Variants in SLC44A1 observed in about 807,000 individuals in gnomAD.
The protein encoded by SLC44A1 is choline transporter-like protein 1.
In SLC44A1, 26 loss-of-function variants were observed where a neutral mutation model predicts 79.3. That is an observed-to-expected ratio of 0.33 (90% confidence interval 0.24 to 0.46). SLC44A1 has a LOEUF of 0.46. Ranked by LOEUF, SLC44A1 falls within the 20% of genes least tolerant of loss-of-function variation. SLC44A1 has a pLI of 1.00. For missense variants in SLC44A1, 688 were observed against 798.1 expected, an observed-to-expected ratio of 0.86 and a Z score of 1.66; for synonymous variants, 263 against 286.2, an observed-to-expected ratio of 0.92 and a Z score of 0.82.
chr9:105,325,024 CAG>C (rs1826527319), intron 3 of SLC44A1, among the ~76,000 whole-genome samples: 1 of 152,190 alleles, frequency 6.6e-6, no homozygotes, highest in Middle Eastern at 3.2e-3. Context: ...GAACTAAAAA[CAG>C]ATGTCCCCAC....
rs981832340 is a variant in SLC44A1 at position 105,418,070 on chromosome 9, C to G, written c.1951-20211C>G. 2.0e-5 allele frequency among the ~76,000 whole-genome samples: 3 copies of G among 151,756 alleles called. No homozygotes were observed. In the South Asian group the frequency reaches 6.2e-4, roughly 32 times the overall value. Reference sequence around the variant, plus strand: ...GTGGCTCACGCCTGTAATCCCAGTACTCTGGGAGGCCGAGGCGGGCGGATC... The same window carrying G: ...GTGGCTCACGCCTGTAATCCCAGTAGTCTGGGAGGCCGAGGCGGGCGGATC... On this transcript the variant is annotated intron_variant, in intron 15 of 15. Transcript: ENST00000374724.
chr9:105,322,580 G>A (rs147222273), intron 3 of SLC44A1, among the ~76,000 whole-genome samples: 59 of 152,280 alleles, frequency 3.9e-4, no homozygotes, highest in Non-Finnish European at 6.9e-4. Context: ...ATTCTAGGCC[G>A]AAACCTGTTC....
intron 4 of SLC44A1, among the ~76,000 whole-genome samples, chr9:105,337,996 T>A (rs1296316050): frequency 6.6e-6 from 1 of 152,230 alleles, no homozygotes; most frequent in Non-Finnish European, 1.5e-5. Context: ...TGAATAAACA[T>A]TATTTCAGCA....
intron 12 of SLC44A1, among the ~76,000 whole-genome samples, chr9:105,371,396 A>C (rs1178704473): frequency 1.3e-5 from 2 of 152,236 alleles, no homozygotes. Flanking sequence ...TATGTAAACA[A>C]TGAGCACAGT....
At chr9:105,388,923 C>G in intron 15 of SLC44A1, 110 bp from the exon 16 acceptor site, 1 of 787,170 alleles carries the variant, frequency 1.3e-6, no homozygotes, top group South Asian at 1.5e-5. Context: ...ATTCTCAGTC[C>G]ATTTTGCTGT....
intron 3 of SLC44A1, among the ~76,000 whole-genome samples, chr9:105,333,955 A>C (rs1826831542): frequency 6.6e-6 from 1 of 152,232 alleles, no homozygotes; most frequent in Admixed American, 6.5e-5. Flanking sequence ...TTCCCTGTCC[A>C]GAATCTGTCT....
chr9:105,404,031 G>A (rs553611784), intron 15 of SLC44A1, among the ~76,000 whole-genome samples: 1 of 151,892 alleles, frequency 6.6e-6, no homozygotes, highest in African/African-American at 2.4e-5. Flanking sequence ...CATGGGGTGA[G>A]TTGCTTCTGG....
At chr9:105,297,692 T>C (rs1039556545) in intron 1 of SLC44A1, among the ~76,000 whole-genome samples, 6 of 152,194 alleles carry the variant, frequency 3.9e-5, no homozygotes, top group African/African-American at 1.4e-4. Flanking sequence ...TGTGCTTACA[T>C]ATTAAGAAAA....
chr9:105,359,644 A>G (rs182011237), intron 7 of SLC44A1, among the ~76,000 whole-genome samples: 2 of 152,240 alleles, frequency 1.3e-5, no homozygotes, highest in East Asian at 3.9e-4. Flanking sequence ...TTTCAATTTC[A>G]TTCTATTTTT....
intron 15 of SLC44A1, among the ~76,000 whole-genome samples, chr9:105,415,075 G>A (rs1380797635): frequency 6.6e-6 from 1 of 152,168 alleles, no homozygotes; most frequent in African/African-American, 2.4e-5. Flanking sequence ...ATAGGAGGAT[G>A]AGCTGCACAA....
At position 105,395,811 on chromosome 9, in the gene SLC44A1, G is replaced by A. The variant is rs186023888; in HGVS notation, c.*6755G>A. 7.6e-5 allele frequency: 75 copies of A among 984,606 alleles called. No individual in the cohort carries two copies. Among genetic ancestry groups the A allele is most frequent in the South Asian group, 6.1e-4 (13 of 21,246 alleles). 61.0% of individuals were successfully genotyped at this position (984,606 alleles called of 1,614,324 possible). ...AAGAAGACTTGGGAATAATTGGGCA[G>A]ATAGAATGGGTTCCATGGATCATTC... On this transcript the variant is annotated 3_prime_UTR_variant, in exon 16 of 16. Coordinates refer to ENST00000374720, the MANE Select transcript of SLC44A1 (RefSeq NM_080546.5).
intron 3 of SLC44A1, among the ~76,000 whole-genome samples, chr9:105,320,660 C>T (rs534207809): frequency 3.3e-5 from 5 of 152,088 alleles, no homozygotes; most frequent in Non-Finnish European, 7.4e-5. Context: ...GATTATAGCA[C>T]GCTACAGCCT....
chr9:105,326,825 C>T (rs781552965), intron 3 of SLC44A1, among the ~76,000 whole-genome samples: 14 of 152,150 alleles, frequency 9.2e-5, no homozygotes, highest in African/African-American at 1.9e-4. Context: ...AAATCACTGT[C>T]GCCTGTCCAG....
At chr9:105,261,658 A>G (rs1203506884) in intron 1 of SLC44A1, among the ~76,000 whole-genome samples, 1 of 152,156 alleles carries the variant, frequency 6.6e-6, no homozygotes, top group Admixed American at 6.5e-5. Flanking sequence ...TACTGGGCTC[A>G]ACAAAGAATG....
At chr9:105,282,951 G>A (rs1346354000) in intron 1 of SLC44A1, among the ~76,000 whole-genome samples, 1 of 152,176 alleles carries the variant, frequency 6.6e-6, no homozygotes, top group African/African-American at 2.4e-5. Flanking sequence ...TAACCCATTG[G>A]TCATACTTAG....
chr9:105,415,523 A>G (rs1829156269), intron 15 of SLC44A1, among the ~76,000 whole-genome samples: 1 of 152,142 alleles, frequency 6.6e-6, no homozygotes, highest in Non-Finnish European at 1.5e-5. Context: ...CAGCTGGAGC[A>G]GGATTTTGGG....
chr9:105,304,944 G>GTTTTTT (rs10589897), intron 2 of SLC44A1, among the ~76,000 whole-genome samples: 2 of 20,076 alleles, frequency 1.0e-4, no homozygotes, highest in Non-Finnish European at 2.2e-4. Flanking sequence ...ACTTTCTATC[G>GTTTTTT]TTTTTTTTTT....
At chr9:105,300,404 T>G (rs1394634130) in intron 2 of SLC44A1, among the ~76,000 whole-genome samples, 1 of 152,182 alleles carries the variant, frequency 6.6e-6, no homozygotes, top group Non-Finnish European at 1.5e-5. Flanking sequence ...TACTATACCT[T>G]TTATAGAGTT....
chr9:105,370,072 T>G (rs1388459038), intron 12 of SLC44A1, among the ~76,000 whole-genome samples: 1 of 152,206 alleles, frequency 6.6e-6, no homozygotes, highest in African/African-American at 2.4e-5. Context: ...GTGGGCAGTT[T>G]AACTCCAGAT....
Sources: gnomAD v4.1 joint callset for allele counts (sites outside exome capture counted in the v4.1 genomes callset) on GRCh38, gnomAD v4.1.1 for gene constraint, MANE v1.5 for transcripts, NCBI Gene and HGNC (gene_info 2026-07-23, HGNC 2026-07-21) for gene names.